The following STK3 variants were observed in gnomAD, a reference collection of about 807,000 sequenced individuals.
The protein encoded by STK3 is serine/threonine kinase 3.
In STK3, 41 loss-of-function variants were observed where a neutral mutation model predicts 58.0. The observed-to-expected ratio is 0.71, with a 90% CI of 0.55 to 0.92. STK3 has a LOEUF of 0.92. Ranked by LOEUF, STK3 falls within the 40% of genes least tolerant of loss-of-function variation. The pLI is 0.00. For missense variants in STK3, 479 were observed against 602.7 expected (o/e 0.79, Z 2.15); for synonymous variants, 170 against 191.0 (o/e 0.89, Z 0.91).
At chr8:98,353,100 A>T in the STK3 span, among the ~76,000 whole-genome samples, 5 of 152,214 alleles carry the variant, frequency 3.3e-5, no homozygotes, top group African/African-American at 1.2e-4. Context: ...TGATGATTCA[A>T]TGTACACACA....
At chr8:98,589,647 C>T (rs1252567650) in intron 7 of STK3, among the ~76,000 whole-genome samples, 1 of 152,258 alleles carries the variant, frequency 6.6e-6, no homozygotes, top group African/African-American at 2.4e-5. Flanking sequence ...TTCCTGGCTG[C>T]TTTGTCTACT....
At chr8:98,704,469 G>A (rs1825827400) in intron 6 of STK3, among the ~76,000 whole-genome samples, 1 of 151,476 alleles carries the variant, frequency 6.6e-6, no homozygotes, top group African/African-American at 2.4e-5. Context: ...AAAATATGAG[G>A]AAAAAGAGAA....
chr8:98,527,603 G>C (rs761081833), intron 9 of STK3, among the ~76,000 whole-genome samples: 1 of 152,002 alleles, frequency 6.6e-6, no homozygotes, highest in Non-Finnish European at 1.5e-5. Flanking sequence ...CTGGGCAACA[G>C]AGCAAGACCC....
chr8:98,373,215 T>C (rs11998074), intron 2 of STK3, among the ~76,000 whole-genome samples: 94,535 of 152,008 alleles, frequency 0.62, 30,101 homozygotes, highest in Non-Finnish European at 0.67. Flanking sequence ...GTTTCTGTTT[T>C]TGAGCCATAT....
chr8:98,394,504 G>T (rs571344287), intron 3 of STK3, among the ~76,000 whole-genome samples: 9 of 151,942 alleles, frequency 5.9e-5, no homozygotes, highest in Non-Finnish European at 1.2e-4. Flanking sequence ...AACACAGCAA[G>T]ACCCCATCTC....
At position 98,742,575 on chromosome 8, in the gene STK3, C is replaced by T. The variant is rs1022439388; in HGVS notation, c.351+6701G>A. 2.4e-5 allele frequency among the ~76,000 whole-genome samples: 3 copies of T among 123,838 alleles called. 1 individual carries two copies. The highest frequency in any genetic ancestry group is 9.3e-5 in the African/African-American group (3 of 32,394). 81.2% of individuals were successfully genotyped at this position (123,838 alleles called of 152,430 possible). A position where few individuals can be genotyped will look rare whatever the true frequency, so the allele number is the denominator to read the frequency against. On this transcript the variant is annotated intron_variant, in intron 4 of 10. Coordinates refer to ENST00000419617, the MANE Select transcript of STK3 (RefSeq NM_006281.4). Reference sequence around the variant, plus strand: ...CTCAATAAATTATGTATCGATGGGACATATCTCAAAATAATAAGAGCTATC... The same window carrying T: ...CTCAATAAATTATGTATCGATGGGATATATCTCAAAATAATAAGAGCTATC...
intron 3 of STK3, among the ~76,000 whole-genome samples, chr8:98,860,114 C>T (rs913478719): frequency 1.2e-4 from 19 of 152,226 alleles, no homozygotes; most frequent in African/African-American, 4.1e-4. Flanking sequence ...CTACTATGTG[C>T]GAGCCACTTT....
chr8:98,925,437 A>C (rs928686356), intron 1 of STK3, among the ~76,000 whole-genome samples: 5 of 152,250 alleles, frequency 3.3e-5, no homozygotes, highest in African/African-American at 1.2e-4. Flanking sequence ...GCAGATTGGC[A>C]GCAGAATTGG....
chr8:98,771,339 G>A (rs1831305690), intron 2 of STK3, among the ~76,000 whole-genome samples: 1 of 152,174 alleles, frequency 6.6e-6, no homozygotes. Flanking sequence ...ATTCACCTGG[G>A]ATAGCAGATG....
upstream of STK3, among the ~76,000 whole-genome samples, chr8:98,392,964 C>T (rs1015734606): frequency 2.0e-5 from 3 of 152,210 alleles, no homozygotes; most frequent in Admixed American, 6.5e-5. Context: ...TCAGATGGGC[C>T]TCTCTTCTTC....
At chr8:98,753,662 A>G (rs946476946) in intron 3 of STK3, among the ~76,000 whole-genome samples, 18 of 152,086 alleles carry the variant, frequency 1.2e-4, no homozygotes. Context: ...TAATAAAAAC[A>G]TCAGTCATCT....
At chr8:98,466,033 A>C (rs1820437329) in intron 10 of STK3, among the ~76,000 whole-genome samples, 1 of 152,182 alleles carries the variant, frequency 6.6e-6, no homozygotes, top group South Asian at 2.1e-4. Context: ...CAGTAATTAA[A>C]TCTTTCTGGA....
chr8:98,924,789 C>A (rs977261674), intron 1 of STK3, among the ~76,000 whole-genome samples: 1 of 152,098 alleles, frequency 6.6e-6, no homozygotes, highest in Non-Finnish European at 1.5e-5. Context: ...GCTAGGTCTG[C>A]GGAAAGCAGA....
the STK3 span, among the ~76,000 whole-genome samples, chr8:98,351,413 T>C: frequency 6.6e-6 from 1 of 152,208 alleles, no homozygotes; most frequent in Admixed American, 6.5e-5. Flanking sequence ...GTCATAATAA[T>C]GATGGTAGGA....
chr8:98,538,942 A>G (rs1810003674), intron 9 of STK3, among the ~76,000 whole-genome samples: 1 of 152,212 alleles, frequency 6.6e-6, no homozygotes, highest in Non-Finnish European at 1.5e-5. Context: ...AATGATTTCT[A>G]ATTGCCCAGA....
At chr8:98,393,268 A>G (rs886708700) in intron 3 of STK3, among the ~76,000 whole-genome samples, 9 of 152,170 alleles carry the variant, frequency 5.9e-5, no homozygotes, top group African/African-American at 1.7e-4. Context: ...CCAGTACCAG[A>G]GTCAGGGATG....
At chr8:98,463,449 A>G (rs1400686095) in intron 10 of STK3, among the ~76,000 whole-genome samples, 1 of 152,128 alleles carries the variant, frequency 6.6e-6, no homozygotes, top group Non-Finnish European at 1.5e-5. Context: ...ATAAAACAGG[A>G]GCATAAAAAA....
intron 3 of STK3, among the ~76,000 whole-genome samples, chr8:98,418,517 G>A (rs943266720): frequency 1.3e-5 from 2 of 152,174 alleles, no homozygotes; most frequent in African/African-American, 2.4e-5. Context: ...TAGGTGGGTG[G>A]GCAGGTGTCA....
intron 8 of STK3, among the ~76,000 whole-genome samples, chr8:98,572,480 A>T: frequency 6.6e-6 from 1 of 152,234 alleles, no homozygotes; most frequent in African/African-American, 2.4e-5. Flanking sequence ...TTAAAACTGT[A>T]TATGTAATTC....
Sources: gnomAD v4.1 joint callset for allele counts (sites outside exome capture counted in the v4.1 genomes callset) on GRCh38, gnomAD v4.1.1 for gene constraint, MANE v1.5 for transcripts, NCBI Gene and HGNC (gene_info 2026-07-23, HGNC 2026-07-21) for gene names.